The following ARB2A variants were observed in gnomAD, a reference collection of about 807,000 sequenced individuals.
ARB2A encodes the protein ARB2 cotranscriptional regulator A.
the ARB2A span, among the ~76,000 whole-genome samples, chr5:93,753,313 C>A: frequency 6.6e-6 from 1 of 152,192 alleles, no homozygotes; most frequent in Non-Finnish European, 1.5e-5. Context: ...AATGTCATTT[C>A]CTCAAGAGGT....
the ARB2A span, among the ~76,000 whole-genome samples, chr5:93,942,309 T>C: frequency 3.9e-5 from 6 of 152,246 alleles, no homozygotes; most frequent in African/African-American, 7.2e-5. Flanking sequence ...TCTGGAATTT[T>C]TGGCTTCAAC....
the ARB2A span, among the ~76,000 whole-genome samples, chr5:94,104,762 G>A: frequency 3.3e-5 from 5 of 151,900 alleles, no homozygotes; most frequent in African/African-American, 9.7e-5. Context: ...ACAAACACTA[G>A]CACACCAAAA....
the ARB2A span, among the ~76,000 whole-genome samples, chr5:93,668,630 T>A: frequency 6.6e-6 from 1 of 151,792 alleles, no homozygotes; most frequent in East Asian, 1.9e-4. Flanking sequence ...TCAGTGCATT[T>A]AAGATGGTAT....
chr5:94,046,092 A>G, the ARB2A span, among the ~76,000 whole-genome samples: 2 of 152,212 alleles, frequency 1.3e-5, no homozygotes, highest in African/African-American at 4.8e-5. Context: ...TGTAAGATGG[A>G]AGTATAAACT....
At chr5:93,857,236 AG>A in the ARB2A span, among the ~76,000 whole-genome samples, 2 of 152,152 alleles carry the variant, frequency 1.3e-5, no homozygotes, top group Non-Finnish European at 2.9e-5. Context: ...GTCAGGAGTC[AG>A]GGACCCACTT....
the ARB2A span, chr5:93,734,478 T>TAAAGAAGGCACA: frequency 6.6e-6 from 1 of 152,174 alleles, no homozygotes; most frequent in African/African-American, 2.4e-5. Context: ...TGAACCATCT[T>TAAAGAAGGCACA]TAAAGAAAAT....
chr5:93,741,341 A>G, the ARB2A span: 7 of 1,611,554 alleles, frequency 4.3e-6, no homozygotes, highest in Non-Finnish European at 4.2e-6. Flanking sequence ...GGTGCTATCC[A>G]GCCCCGGAAT....
the ARB2A span, among the ~76,000 whole-genome samples, chr5:93,856,658 T>C: frequency 1.3e-5 from 2 of 152,186 alleles, no homozygotes; most frequent in Admixed American, 6.5e-5. Context: ...CTTCTCTGTA[T>C]TGGTTATTCT....
chr5:93,902,887 T>C, the ARB2A span, among the ~76,000 whole-genome samples: 21 of 152,224 alleles, frequency 1.4e-4, no homozygotes, highest in Non-Finnish European at 2.4e-4. Context: ...CACTCCACCA[T>C]ATTCAATCTC....
At chr5:93,846,840 G>T in the ARB2A span, among the ~76,000 whole-genome samples, 5 of 152,242 alleles carry the variant, frequency 3.3e-5, no homozygotes, top group South Asian at 2.1e-4. Flanking sequence ...CAGGGAGGTG[G>T]TTGCTGAAAG....
At chr5:94,038,941 T>C in the ARB2A span, among the ~76,000 whole-genome samples, 1 of 152,246 alleles carries the variant, frequency 6.6e-6, no homozygotes, top group Non-Finnish European at 1.5e-5. Flanking sequence ...TAAACTCAAA[T>C]TTCCACTATC....
chr5:93,985,376 TCCCTCTCCCTCTTTCCATGGTCTCC>T, the ARB2A span, among the ~76,000 whole-genome samples: 3 of 151,084 alleles, frequency 2.0e-5, no homozygotes, highest in Admixed American at 6.6e-5. Context: ...CCTCTCTCTC[TCCCTCTCCCTCTTTCCATGGTCTCC>T]CCCTCTCCCT....
At chr5:93,853,055 C>T in the ARB2A span, among the ~76,000 whole-genome samples, 2 of 152,126 alleles carry the variant, frequency 1.3e-5, no homozygotes, top group Admixed American at 6.5e-5. Flanking sequence ...GGCAGTATGG[C>T]CATTTTCATG....
At chr5:93,787,251 T>C in the ARB2A span, among the ~76,000 whole-genome samples, 4 of 152,166 alleles carry the variant, frequency 2.6e-5, no homozygotes, top group Non-Finnish European at 5.9e-5. Flanking sequence ...TCCCTTTGAA[T>C]AATTACACTT....
chr5:93,833,576 A>G, the ARB2A span, among the ~76,000 whole-genome samples: 1 of 152,224 alleles, frequency 6.6e-6, no homozygotes, highest in East Asian at 1.9e-4. Flanking sequence ...AGCCTGAAAA[A>G]GACTTTTCAA....
the ARB2A span, chr5:93,805,180 C>A: frequency 1.0e-6 from 1 of 984,778 alleles, no homozygotes; most frequent in Non-Finnish European, 1.2e-6. Context: ...ATATATGATG[C>A]TTTGTTAAAG....
At chr5:94,026,704 G>C in the ARB2A span, among the ~76,000 whole-genome samples, 21 of 152,316 alleles carry the variant, frequency 1.4e-4, no homozygotes, top group South Asian at 4.2e-4. Flanking sequence ...TTCTCAATCT[G>C]GTCCCTGGAT....
At chr5:93,884,611 A>T in the ARB2A span, among the ~76,000 whole-genome samples, 1 of 151,648 alleles carries the variant, frequency 6.6e-6, no homozygotes, top group East Asian at 1.9e-4. Flanking sequence ...AACTATTTAG[A>T]AAATATTTTA....
At chr5:93,833,126 CTA>C in the ARB2A span, among the ~76,000 whole-genome samples, 1 of 152,142 alleles carries the variant, frequency 6.6e-6, no homozygotes, top group Non-Finnish European at 1.5e-5. Flanking sequence ...CTTCTCTACT[CTA>C]TTTGTTTAAT....
Sources: allele counts gnomAD v4.1 joint callset (sites outside exome capture counted in the v4.1 genomes callset), GRCh38; gene constraint gnomAD v4.1.1; transcripts MANE v1.5; gene names NCBI Gene and HGNC (gene_info 2026-07-23, HGNC 2026-07-21).